Variants in PITPNA observed in about 807,000 individuals in gnomAD.
PITPNA encodes the protein phosphatidylinositol transfer protein alpha, also known as phosphatidylinositol transfer protein alpha isoform.
Under a neutral mutation model 50.3 loss-of-function variants are expected in PITPNA, and 13 were observed. The ratio of observed to expected loss-of-function variants is 0.26; its 90% CI spans 0.17 to 0.41. PITPNA has a LOEUF of 0.41. Among genes scored for constraint, PITPNA ranks in the 10% least tolerant of loss-of-function variants. PITPNA has a pLI of 1.00. For missense variants in PITPNA, 207 were observed against 333.4 expected (o/e 0.62, Z 2.95); for synonymous variants, 120 against 119.6 (o/e 1.00, Z -0.02).
intron 1 of PITPNA, among the ~76,000 whole-genome samples, chr17:1,561,488 C>A (rs2151016117): frequency 6.6e-6 from 1 of 152,248 alleles, no homozygotes; most frequent in South Asian, 2.1e-4. Flanking sequence ...GCTGGCCCTG[C>A]CCTGGTCTCC....
chr17:1,544,124 T>C (rs1016763750), intron 4 of PITPNA, among the ~76,000 whole-genome samples: 2 of 152,164 alleles, frequency 1.3e-5, no homozygotes, highest in African/African-American at 4.8e-5. Context: ...CTATCTCCTC[T>C]AAGAAAGTCT....
At chr17:1,541,455 T>G in intron 6 of PITPNA, 111 bp downstream of exon 6, 1 of 787,582 alleles carries the variant, frequency 1.3e-6, no homozygotes, top group Non-Finnish European at 2.2e-6. Context: ...GCCACTGCCT[T>G]CCCGGCCAGG....
chr17:1,533,601 C>G (rs767621935), intron 10 of PITPNA, among the ~76,000 whole-genome samples: 4 of 152,194 alleles, frequency 2.6e-5, no homozygotes, highest in African/African-American at 9.7e-5. Context: ...AACCCTCCTT[C>G]TGCGATCCAC....
chr17:1,535,477 G>C lies in PITPNA; in HGVS notation c.498C>G (p.Ile166Met), dbSNP rs761123816. 1 of 1,613,636 alleles carries C rather than the reference G, an allele frequency of 6.2e-7. No homozygotes were observed. Among genetic ancestry groups the C allele is most frequent in the Non-Finnish European group, 8.5e-7 (1 of 1,179,604 alleles). The change falls in exon 8 of 12, where the codon ATC (isoleucine) becomes ATG (methionine). Residue 166 changes from isoleucine to methionine, a missense_variant. Physicochemically the swap from Ile to Met is conservative, Grantham distance 10. Coordinates refer to ENST00000313486, the MANE Select transcript of PITPNA (RefSeq NM_006224.4). The stretch of plus-strand genomic sequence containing the variant: ...GGCCCAAGGGTCCTCGGCCTGTTTT[G>C]ATAGATTTAAATTTTGCTGGGTCTT... ...AEEDPAKFKS[I>M]KTGRGPLGPN...
intron 2 of PITPNA, among the ~76,000 whole-genome samples, chr17:1,556,807 A>G (rs952854284): frequency 6.6e-6 from 1 of 152,160 alleles, no homozygotes; most frequent in Non-Finnish European, 1.5e-5. Flanking sequence ...GCTATTTTCA[A>G]TAAAGACAGC....
chr17:1,543,199 C>A (rs2151009429), intron 4 of PITPNA, among the ~76,000 whole-genome samples, 172 bp from the exon 5 acceptor site: 1 of 152,210 alleles, frequency 6.6e-6, no homozygotes, highest in East Asian at 1.9e-4. Context: ...CTTAACGCAC[C>A]AACCCTCAAA....
chr17:1,542,196 G>A (rs969956480), intron 5 of PITPNA, among the ~76,000 whole-genome samples: 1 of 148,584 alleles, frequency 6.7e-6, no homozygotes, highest in African/African-American at 2.5e-5. Flanking sequence ...GCAAGACTCC[G>A]TTTCGAAAAA....
At chr17:1,548,213 T>C (rs534703360) in intron 4 of PITPNA, 83 bp downstream of exon 4, 23 of 873,502 alleles carry the variant, frequency 2.6e-5, no homozygotes, top group Non-Finnish European at 3.6e-5. Context: ...AGCCTTTCCC[T>C]GGCCTAATCC....
At chr17:1,553,205 G>A (rs1478971987) in intron 2 of PITPNA, 56 bp from the exon 3 acceptor site, 42 of 1,585,174 alleles carry the variant, frequency 2.6e-5, no homozygotes, top group Non-Finnish European at 3.5e-5. Flanking sequence ...ACGGTTACAC[G>A]TAATCCAGCT....
intron 10 of PITPNA, among the ~76,000 whole-genome samples, chr17:1,523,679 T>A (rs980508795): frequency 1.3e-5 from 2 of 151,918 alleles, no homozygotes; most frequent in African/African-American, 4.8e-5. Context: ...GGCTAATTTT[T>A]TTTTGTATTT....
intron 10 of PITPNA, among the ~76,000 whole-genome samples, chr17:1,530,797 A>G (rs2075577119): frequency 6.6e-6 from 1 of 152,238 alleles, no homozygotes; most frequent in South Asian, 2.1e-4. Context: ...AGATGGAAAA[A>G]GGACAGAAGA....
intron 10 of PITPNA, among the ~76,000 whole-genome samples, chr17:1,533,481 T>TC (rs1410917899): frequency 6.6e-6 from 1 of 152,132 alleles, no homozygotes; most frequent in Non-Finnish European, 1.5e-5. Flanking sequence ...CAGTGAGTGC[T>TC]TGAATGTTAC....
chr17:1,549,984 T>C (rs2075699980), intron 3 of PITPNA, among the ~76,000 whole-genome samples: 1 of 152,186 alleles, frequency 6.6e-6, no homozygotes, highest in Non-Finnish European at 1.5e-5. Context: ...CGTCCTTGGT[T>C]TCTAACAGAT....
intron 10 of PITPNA, among the ~76,000 whole-genome samples, chr17:1,528,349 C>T (rs1241328302): frequency 6.6e-6 from 1 of 152,192 alleles, no homozygotes; most frequent in Non-Finnish European, 1.5e-5. Flanking sequence ...CCATGTTGGC[C>T]AGGCTGGTCT....
chr17:1,560,247 G>T (rs932696880), intron 1 of PITPNA, among the ~76,000 whole-genome samples: 1 of 152,170 alleles, frequency 6.6e-6, no homozygotes, highest in Non-Finnish European at 1.5e-5. Context: ...AAACCACTTC[G>T]GCAGCAATAG....
chr17:1,558,595 C>T (rs372271702), intron 1 of PITPNA, 36 bp from the exon 2 acceptor site: 31 of 1,481,788 alleles, frequency 2.1e-5, no homozygotes, highest in Non-Finnish European at 2.5e-5. Context: ...CAACTTTAGG[C>T]TGTGCAATCT....
chr17:1,522,411 C>T (rs982634923), intron 10 of PITPNA, among the ~76,000 whole-genome samples: 2 of 151,898 alleles, frequency 1.3e-5, no homozygotes, highest in Non-Finnish European at 1.5e-5. Flanking sequence ...CTTGCTCTGT[C>T]GCCCAGGCTG....
At chr17:1,536,142 A>T (rs2075614453) in intron 7 of PITPNA, among the ~76,000 whole-genome samples, 1 of 152,214 alleles carries the variant, frequency 6.6e-6, no homozygotes, top group African/African-American at 2.4e-5. Flanking sequence ...ATTAACCACA[A>T]CAAAAGTTTA....
chr17:1,543,605 G>A (rs1452479353), intron 4 of PITPNA, among the ~76,000 whole-genome samples: 3 of 152,062 alleles, frequency 2.0e-5, no homozygotes, highest in East Asian at 3.8e-4. Flanking sequence ...TCCTGAGACC[G>A]CCCGGTTCAT....
Sources: allele counts gnomAD v4.1 joint callset (sites outside exome capture counted in the v4.1 genomes callset), GRCh38; gene constraint gnomAD v4.1.1; transcripts MANE v1.5; gene names NCBI Gene and HGNC (gene_info 2026-07-23, HGNC 2026-07-21).